The following STIL variants were observed in gnomAD, a reference collection of about 807,000 sequenced individuals.
STIL encodes SCL-interrupting locus protein.
Under a neutral mutation model 110.1 loss-of-function variants are expected in STIL, and 55 were observed. That is an observed-to-expected ratio of 0.50 (90% CI 0.40 to 0.63). STIL has a LOEUF of 0.63. Ranked by LOEUF, STIL falls within the 20% of genes least tolerant of loss-of-function variation. The probability of loss-of-function intolerance (pLI) is 0.00; values close to 1 mark genes in which losing one functional copy is unlikely to be tolerated. For synonymous variants in STIL, 481 were observed against 530.0 expected (o/e 0.91, Z 1.27); for missense variants, 1,358 against 1,530.0 (o/e 0.89, Z 1.87).
rs537839150 is a variant in STIL at position 47,304,801 on chromosome 1, T to C, written c.152+88A>G. ...AAGAAAAGTAAAGAAAAATGAATAA[T>C]TGGTCATAGTAATCAACTTTGCCTT... On this transcript the variant is annotated intron_variant, in intron 3 of 16. Transcript: ENST00000371877. 22 of 995,614 alleles carry C rather than the reference T, an allele frequency of 2.2e-5. No homozygotes were observed. In the East Asian group the frequency reaches 2.3e-4, roughly 11 times the overall value. 61.7% of individuals were successfully genotyped at this position (995,614 alleles called of 1,614,324 possible).
chr1:47,302,047 C>T (rs1645819983), intron 4 of STIL, among the ~76,000 whole-genome samples, 187 bp downstream of exon 4: 1 of 152,094 alleles, frequency 6.6e-6, no homozygotes, highest in South Asian at 2.1e-4. Context: ...CAATAGTTGG[C>T]CGAATCAATA....
intron 2 of STIL, among the ~76,000 whole-genome samples, chr1:47,307,350 C>T (rs1249420326): frequency 7.2e-5 from 11 of 152,080 alleles, no homozygotes; most frequent in Admixed American, 7.2e-4. Context: ...ATGGAGGGAC[C>T]GGCCGAAGCC....
chr1:47,269,729 T>C lies in STIL; in HGVS notation c.2521A>G (p.Ser841Gly), dbSNP rs747522192. The C allele has an allele frequency of 2.5e-5, 40 of 1,614,060 alleles. 1 individual carries two copies. The South Asian group carries it at 4.4e-4, about 18-fold the overall frequency. The stretch of plus-strand genomic sequence containing the variant: ...TCAACTGCTTTTAATGAAGATGCAC[T>C]ACCTGGAAGACTTGTGACTTCATTA... ...INNEVTSLPG[S>G]ASSLKAVDIP... Residue 841 changes from serine to glycine, a missense_variant, in exon 14 of 17, where the codon AGT becomes GGT. Physicochemically the swap from Ser to Gly is moderately conservative, Grantham distance 56. Transcript: ENST00000371877.
At chr1:47,289,919 C>T (rs909349159) in intron 8 of STIL, among the ~76,000 whole-genome samples, 1 of 118,928 alleles carries the variant, frequency 8.4e-6, no homozygotes, top group East Asian at 2.5e-4. Context: ...GCCTGGGCGA[C>T]AGAGCAAGAC....
At chr1:47,257,902 T>C (rs145747929) in intron 16 of STIL, among the ~76,000 whole-genome samples, 71 of 152,346 alleles carry the variant, frequency 4.7e-4, no homozygotes, top group African/African-American at 1.6e-3. Context: ...TAAGTATTTG[T>C]TGAAGTGAAT....
intron 12 of STIL, among the ~76,000 whole-genome samples, chr1:47,276,823 A>C (rs1449122197): frequency 6.6e-6 from 1 of 151,066 alleles, no homozygotes; most frequent in East Asian, 1.9e-4. Flanking sequence ...AAAAAAAAAA[A>C]AAAAAAAAAA....
chr1:47,304,631 TCA>T (rs1645899112), intron 3 of STIL, among the ~76,000 whole-genome samples: 1 of 152,220 alleles, frequency 6.6e-6, no homozygotes, highest in African/African-American at 2.4e-5. Flanking sequence ...AAAAACACTT[TCA>T]GTTTTTACTA....
At chr1:47,277,233 C>T (rs867677614) in intron 12 of STIL, among the ~76,000 whole-genome samples, 32 of 152,174 alleles carry the variant, frequency 2.1e-4, no homozygotes, top group African/African-American at 5.8e-4. Context: ...AAAGTATAAA[C>T]ATGTTTTGGC....
rs748659134 is a variant in STIL, at chr1:47,260,314, T to G, written c.3055A>C (p.Asn1019His). 8.7e-6 allele frequency: 14 copies of G among 1,614,112 alleles called. No individual in the cohort carries two copies. Among genetic ancestry groups the G allele is most frequent in the African/African-American group, 1.3e-5 (1 of 75,064 alleles). Residue 1019 changes from asparagine (N) to histidine (H), a missense_variant, in exon 16 of 17, where the codon AAT (asparagine) becomes CAT (histidine). By Grantham distance (68) the Asn-to-His change is moderately conservative. Transcript: ENST00000371877. ...KIDSPTKVKK[N>H]AHNVDHASVL... ...CTGGCGTGATCCACGTTATGTGCAT[T>G]TTTCTTCACTTTAGTGGGAGAATCA...
chr1:47,269,719 G>T lies in STIL; in HGVS notation c.2531C>A (p.Ser844Ter). The change falls in exon 14 of 17, where the codon TCA becomes TAA. Residue 844 changes from serine (S) to a stop codon, truncating the protein, a stop_gained. Coordinates refer to ENST00000371877, the MANE Select transcript of STIL (RefSeq NM_001048166.1). LOFTEE classifies it high-confidence loss of function. ...EVTSLPGSAS[S>*]LKAVDIPSFE... Reference sequence around the variant, plus strand: ...ACTGGGAATATCAACTGCTTTTAATGAAGATGCACTACCTGGAAGACTTGT... The same window carrying T: ...ACTGGGAATATCAACTGCTTTTAATTAAGATGCACTACCTGGAAGACTTGT... The T allele has an allele frequency of 6.2e-7, 1 of 1,614,104 alleles. No homozygotes were observed. Among genetic ancestry groups the T allele is most frequent in the South Asian group, 1.1e-5 (1 of 91,080 alleles).
chr1:47,308,304 G>A (rs1009812872), intron 2 of STIL, among the ~76,000 whole-genome samples: 2 of 151,282 alleles, frequency 1.3e-5, no homozygotes, highest in Non-Finnish European at 2.9e-5. Flanking sequence ...TTTGTACTCT[G>A]TCCTTTTATT....
At position 47,309,591 on chromosome 1, in the gene STIL, T is replaced by C. The variant is rs911250018; in HGVS notation, c.44+685A>G. 4.6e-5 allele frequency among the ~76,000 whole-genome samples: 7 copies of C among 152,228 alleles called. No individual in the cohort carries two copies. The East Asian group carries it at 1.3e-3, about 29-fold the overall frequency. ...ACAGAGAATAAAGGCGACCCATGAA[T>C]GCAATTCTGGTTTGGAAGAAAAAAA... On this transcript the variant is annotated intron_variant, in intron 2 of 16. Transcript: ENST00000371877.
intron 12 of STIL, among the ~76,000 whole-genome samples, chr1:47,274,950 A>C (rs1308425984): frequency 6.6e-6 from 1 of 151,716 alleles, no homozygotes; most frequent in East Asian, 2.0e-4. Context: ...TCAGGAGTTC[A>C]AGACCAGCCT....
chr1:47,265,260 A>AAAAAAC (rs1553170532), intron 14 of STIL, among the ~76,000 whole-genome samples: 4 of 148,314 alleles, frequency 2.7e-5, no homozygotes, highest in Non-Finnish European at 4.5e-5. Context: ...AAAAAAAAAA[A>AAAAAAC]CACAAGATTG....
chr1:47,299,509 C>T (rs561483846), intron 6 of STIL, among the ~76,000 whole-genome samples: 112 of 151,400 alleles, frequency 7.4e-4, no homozygotes, highest in African/African-American at 2.6e-3. Flanking sequence ...CCTCCTGCCT[C>T]AACCTCCCGA....
chr1:47,297,923 T>C (rs535503547), intron 6 of STIL, among the ~76,000 whole-genome samples: 2 of 152,276 alleles, frequency 1.3e-5, no homozygotes, highest in East Asian at 3.9e-4. Flanking sequence ...TGGGGATGGG[T>C]ACTAAAGAAA....
chr1:47,282,598 T>C, intron 10 of STIL, 139 bp from the exon 11 acceptor site: 2 of 644,342 alleles, frequency 3.1e-6, no homozygotes, highest in South Asian at 3.5e-5. Context: ...ACAAATTATT[T>C]TATTTTTCAG....
intron 12 of STIL, among the ~76,000 whole-genome samples, chr1:47,278,512 G>A (rs1645054772): frequency 1.3e-5 from 2 of 151,982 alleles, no homozygotes; most frequent in Admixed American, 1.3e-4. Flanking sequence ...CAAATTCCAA[G>A]TAACTAAGAT....
chr1:47,293,271 T>G (rs1645546888), intron 8 of STIL, among the ~76,000 whole-genome samples, 187 bp downstream of exon 8: 1 of 152,208 alleles, frequency 6.6e-6, no homozygotes, highest in Non-Finnish European at 1.5e-5. Flanking sequence ...CCAGGTATAC[T>G]GCAACCTCAT....
Sources: gnomAD v4.1 joint callset for allele counts (sites outside exome capture counted in the v4.1 genomes callset) on GRCh38, gnomAD v4.1.1 for gene constraint, MANE v1.5 for transcripts, NCBI Gene and HGNC (gene_info 2026-07-23, HGNC 2026-07-21) for gene names.